CAPS2: variants seen among roughly 807,000 people sequenced by gnomAD.
CAPS2 encodes the protein calcyphosin-2.
In CAPS2, 98 loss-of-function variants were observed where a neutral mutation model predicts 86.5. The observed-to-expected ratio is 1.13, with a 90% CI of 0.96 to 1.34. The LOEUF (loss-of-function observed/expected upper bound fraction) is 1.34, where lower values mean the gene tolerates loss of function less well. Ranked by LOEUF, CAPS2 falls within the 40% of genes most tolerant of loss-of-function variation. The pLI is 0.00. For synonymous variants in CAPS2, 210 were observed against 225.1 expected, an observed-to-expected ratio of 0.93 and a Z score of 0.60; for missense variants, 729 against 686.8, an observed-to-expected ratio of 1.06 and a Z score of -0.69.
At chr12:75,355,693 C>T (rs541283562) in intron 1 of CAPS2, among the ~76,000 whole-genome samples, 1 of 152,214 alleles carries the variant, frequency 6.6e-6, no homozygotes, top group African/African-American at 2.4e-5. Context: ...TTCAGCGCAG[C>T]ACTATTTATA....
chr12:75,316,355 T>C, exon 6 of CAPS2: 1 of 1,551,092 alleles, frequency 6.4e-7, no homozygotes. Flanking sequence ...GCAAGAGTTG[T>C]CTGCATAACC....
At chr12:75,300,555 CAAAAAAAAAAAAAAAAAA>C (rs60853698) in intron 8 of CAPS2, among the ~76,000 whole-genome samples, 3 of 83,020 alleles carry the variant, frequency 3.6e-5, no homozygotes, top group South Asian at 3.6e-4. Context: ...GACTCCGTCT[CAAAAAAAAAAAAAAAAAA>C]AAAAAAAAAA....
At chr12:75,310,729 G>A (rs1389100758) in intron 7 of CAPS2, among the ~76,000 whole-genome samples, 1 of 152,060 alleles carries the variant, frequency 6.6e-6, no homozygotes, top group Non-Finnish European at 1.5e-5. Flanking sequence ...ACTGAACTAA[G>A]TCATGCAAAT....
chr12:75,280,733 A>C (rs1368844386), intron 16 of CAPS2, among the ~76,000 whole-genome samples: 1 of 151,912 alleles, frequency 6.6e-6, no homozygotes, highest in South Asian at 2.1e-4. Context: ...GAATAAGTAA[A>C]TCAAACTATT....
chr12:75,282,354 A>T lies in CAPS2; in HGVS notation c.1516-7T>A. On this transcript the variant is annotated splice_polypyrimidine_tract_variant and splice_region_variant and intron_variant, in intron 15 of 16. Transcript: ENST00000393284. ...AATCCAGTTTCATAAAGGCCTAAAC[A>T]GACAAATATTATTATTATTAGTTTG... 1 of 1,524,076 alleles carries T rather than the reference A, an allele frequency of 6.6e-7. No individual in the cohort carries two copies. The highest frequency in any genetic ancestry group is 1.7e-4 in the Middle Eastern group (1 of 5,858). The allele number at this position is 1,524,076 out of a possible 1,614,324, so 94.4% of individuals were successfully genotyped here. A position where few individuals can be genotyped will look rare whatever the true frequency, so the allele number is the denominator to read the frequency against.
chr12:75,293,615 A>G (rs141313068), intron 11 of CAPS2, among the ~76,000 whole-genome samples: 2 of 152,298 alleles, frequency 1.3e-5, no homozygotes, highest in African/African-American at 2.4e-5. Context: ...TAATAAACTC[A>G]GTTTGTTTAA....
At chr12:75,305,025 A>G in intron 7 of CAPS2, 149 bp from the exon 8 acceptor site, 1 of 543,442 alleles carries the variant, frequency 1.8e-6, no homozygotes, top group Non-Finnish European at 2.9e-6. Context: ...TTTATTAAAA[A>G]ATATTTTCCA....
chr12:75,331,204 T>A (rs1187780938), upstream of CAPS2, among the ~76,000 whole-genome samples: 1 of 152,180 alleles, frequency 6.6e-6, no homozygotes, highest in Non-Finnish European at 1.5e-5. Context: ...GCACTAACTT[T>A]CCTAAATTAC....
At chr12:75,321,838 C>T (rs2040335129) in intron 4 of CAPS2, among the ~76,000 whole-genome samples, 4 of 152,088 alleles carry the variant, frequency 2.6e-5, no homozygotes, top group Admixed American at 6.5e-5. Flanking sequence ...GCTGAAGATC[C>T]ATTTAAGAGG....
intron 5 of CAPS2, 80 bp downstream of exon 5, chr12:75,321,320 T>C (rs1033961038): frequency 3.4e-5 from 29 of 854,252 alleles, no homozygotes; most frequent in Non-Finnish European, 4.7e-5. Context: ...TAGCAAGATA[T>C]GTCACACAAA....
chr12:75,334,661 A>G (rs1593624863), upstream of CAPS2: 1 of 1,558,080 alleles, frequency 6.4e-7, no homozygotes, highest in Non-Finnish European at 8.7e-7. Context: ...GGCGTGGGGA[A>G]ATCGGGTTGC....
intron 1 of CAPS2, among the ~76,000 whole-genome samples, chr12:75,339,909 A>G (rs1222627924): frequency 6.6e-6 from 1 of 151,134 alleles, no homozygotes; most frequent in African/African-American, 2.4e-5. Context: ...TTTATCCCTC[A>G]CCCCACTCCC....
intron 14 of CAPS2, among the ~76,000 whole-genome samples, chr12:75,287,774 C>G (rs747570920): frequency 6.6e-6 from 1 of 152,064 alleles, no homozygotes; most frequent in Non-Finnish European, 1.5e-5. Flanking sequence ...GTGAGCTGCT[C>G]CAGCAAATTA....
chr12:75,362,777 CTTAT>C (rs2043692265), intron 1 of CAPS2, among the ~76,000 whole-genome samples: 1 of 152,082 alleles, frequency 6.6e-6, no homozygotes, highest in African/African-American at 2.4e-5. Context: ...TTAAATATTA[CTTAT>C]TTCATGTACA....
intron 1 of CAPS2, among the ~76,000 whole-genome samples, chr12:75,341,608 G>A (rs1195477962): frequency 6.6e-6 from 1 of 151,526 alleles, no homozygotes; most frequent in Non-Finnish European, 1.5e-5. Context: ...CACCACGCCC[G>A]CAGAATTTTT....
At chr12:75,281,027 A>G (rs1429844615) in intron 16 of CAPS2, among the ~76,000 whole-genome samples, 3 of 151,946 alleles carry the variant, frequency 2.0e-5, no homozygotes, top group African/African-American at 4.8e-5. Flanking sequence ...TTCCTTAAAG[A>G]TGGACAATCA....
rs538663185 is a variant in CAPS2 at position 75,290,934 on chromosome 12, A to C, written c.1240+810T>G. Among the ~76,000 whole-genome samples the C allele has an allele frequency of 6.2e-5, 6 of 97,312 alleles. No homozygotes were observed. The East Asian group carries it at 2.0e-3, about 33-fold the overall frequency. The allele number at this position is 97,312 out of a possible 152,430, so 63.8% of individuals were successfully genotyped here. A position where few individuals can be genotyped will look rare whatever the true frequency, so the allele number is the denominator to read the frequency against. On this transcript the variant is annotated intron_variant, in intron 13 of 16. Transcript: ENST00000393284. ...GCAAGGCTCTCTCTCAAAAAAAAAA[A>C]CAAAAAAAAAACATAAATTACATGT... is the stretch of plus-strand genomic sequence containing the variant.
chr12:75,300,555 CAAAAAAAA>C (rs60853698), intron 8 of CAPS2, among the ~76,000 whole-genome samples: 7 of 83,018 alleles, frequency 8.4e-5, no homozygotes, highest in Non-Finnish European at 1.4e-4. Flanking sequence ...GACTCCGTCT[CAAAAAAAA>C]AAAAAAAAAA....
chr12:75,322,882 C>T (rs2040430887), intron 4 of CAPS2: 4 of 683,766 alleles, frequency 5.8e-6, no homozygotes, highest in Admixed American at 5.5e-5. Flanking sequence ...TATTTAAATA[C>T]ATAAAATATT....
Sources: allele counts gnomAD v4.1 joint callset (sites outside exome capture counted in the v4.1 genomes callset), GRCh38; gene constraint gnomAD v4.1.1; transcripts MANE v1.5; gene names NCBI Gene and HGNC (gene_info 2026-07-23, HGNC 2026-07-21).